TNFRSF1B: variants seen among roughly 807,000 people sequenced by gnomAD.
TNFRSF1B encodes the protein tumor necrosis factor receptor superfamily member 1B.
Under a neutral mutation model 44.6 loss-of-function variants are expected in TNFRSF1B, and 19 were observed. That is an observed-to-expected ratio of 0.43 (90% CI 0.30 to 0.62). The LOEUF is 0.62. Among genes scored for constraint, TNFRSF1B ranks in the 20% least tolerant of loss-of-function variants. The pLI, the probability that TNFRSF1B is intolerant of heterozygous loss-of-function variation, is 0.16. For missense variants in TNFRSF1B, 541 were observed against 619.9 expected, an observed-to-expected ratio of 0.87 and a Z score of 1.35; for synonymous variants, 252 against 261.1, an observed-to-expected ratio of 0.97 and a Z score of 0.34.
chr1:12,200,657 T>C (rs771968151), intron 8 of TNFRSF1B, among the ~76,000 whole-genome samples: 4 of 152,142 alleles, frequency 2.6e-5, no homozygotes, highest in Non-Finnish European at 1.5e-5. Context: ...AGTTTCACTC[T>C]TGTTGCCCAG....
At chr1:12,206,359 C>CA (rs35664314) in intron 9 of TNFRSF1B, among the ~76,000 whole-genome samples, 3,848 of 80,558 alleles carry the variant, frequency 0.048, 81 homozygotes, top group Middle Eastern at 0.12. Context: ...GACCCTGTCT[C>CA]AAAAAAAAAA....
At chr1:12,206,522 G>C (rs1639506119) in intron 9 of TNFRSF1B, among the ~76,000 whole-genome samples, 1 of 152,170 alleles carries the variant, frequency 6.6e-6, no homozygotes, top group South Asian at 2.1e-4. Flanking sequence ...GGGCTGGGTA[G>C]GTAGTGATGC....
At position 12,171,414 on chromosome 1, in the gene TNFRSF1B, C is replaced by T. The variant is rs771095653; in HGVS notation, c.78+4245C>T. ...TGCTTTCCCCATCACCTCCAATACT[C>T]CTCCTGCTGACGTCTCTTGGTCTCC... is the stretch of plus-strand genomic sequence containing the variant. On this transcript the variant is annotated intron_variant, in intron 1 of 9. Coordinates refer to ENST00000376259, the MANE Select transcript of TNFRSF1B (RefSeq NM_001066.3). The surrounding 1 kb of genome is among the most constrained non-coding windows in gnomAD (Gnocchi z 4.5). 5.3e-5 allele frequency among the ~76,000 whole-genome samples: 8 copies of T among 152,206 alleles called. No homozygotes were observed. Among genetic ancestry groups the T allele is most frequent in the South Asian group, 2.1e-4 (1 of 4,822 alleles).
rs866391216 is a variant in TNFRSF1B, at chr1:12,183,691, T to G, written c.79-5105T>G. Among the ~76,000 whole-genome samples, 573 of 128,770 alleles carry G rather than the reference T, an allele frequency of 4.4e-3. 10 individuals carry two copies. The highest frequency in any genetic ancestry group is 0.015 in the African/African-American group (540 of 36,568). 84.5% of individuals were successfully genotyped at this position (128,770 alleles called of 152,430 possible). On this transcript the variant is annotated intron_variant, in intron 1 of 9. Coordinates refer to ENST00000376259, the MANE Select transcript of TNFRSF1B (RefSeq NM_001066.3). ...ATCTATCTATCTATCTATCTATCTA[T>G]CTATCTATCTATCTATCTATTCTAT...
At chr1:12,183,708 C>CT (rs962368395) in intron 1 of TNFRSF1B, among the ~76,000 whole-genome samples, 3 of 115,518 alleles carry the variant, frequency 2.6e-5, no homozygotes, top group Admixed American at 1.7e-4. Flanking sequence ...ATCTATCTAT[C>CT]TATTCTATCT....
At chr1:12,197,945 G>A (rs1639301557) in intron 8 of TNFRSF1B, among the ~76,000 whole-genome samples, 1 of 152,060 alleles carries the variant, frequency 6.6e-6, no homozygotes, top group African/African-American at 2.4e-5. Flanking sequence ...CTAACACAGT[G>A]AAACCCCATC....
chr1:12,181,204 C>G (rs145558776), intron 1 of TNFRSF1B, among the ~76,000 whole-genome samples: 1 of 152,308 alleles, frequency 6.6e-6, no homozygotes, highest in African/African-American at 2.4e-5. Context: ...CACGGGCCAT[C>G]TAACACCCCA....
chr1:12,188,842 TCAGAGAATACTATGAC>T lies in TNFRSF1B; in HGVS notation c.130_145del (p.Glu44GlnfsTer46). 3 of 1,613,850 alleles carry T rather than the reference TCAGAGAATACTATGAC, an allele frequency of 1.9e-6. No individual in the cohort carries two copies. Among genetic ancestry groups the T allele is most frequent in the Non-Finnish European group, 2.5e-6 (3 of 1,179,882 alleles). On this transcript the variant is annotated frameshift_variant, in exon 2 of 10. Coordinates refer to ENST00000376259, the MANE Select transcript of TNFRSF1B (RefSeq NM_001066.3). LOFTEE classifies it high-confidence loss of function. Reference sequence around the variant, plus strand: ...CCGGAGCCCGGGAGCACATGCCGGCTCAGAGAATACTATGACCAGACAGCTCAGATGTGCTGCAGCA... The same window carrying T: ...CCGGAGCCCGGGAGCACATGCCGGCTCAGACAGCTCAGATGTGCTGCAGCA...
chr1:12,195,972 A>G (rs1399965631), intron 8 of TNFRSF1B, among the ~76,000 whole-genome samples: 1 of 152,196 alleles, frequency 6.6e-6, no homozygotes, highest in African/African-American at 2.4e-5. Flanking sequence ...GTGAGACCCT[A>G]TCCCTAAACA....
In TNFRSF1B at chr1:12,168,598, C is replaced by A. The variant is rs548119898; in HGVS notation, c.78+1429C>A. ...TGGGTGAACTCTGGGGTCATGTGAG[C>A]CCCTGGATGGGAGAGGGGTGTCAGG... On this transcript the variant is annotated intron_variant, in intron 1 of 9. Coordinates refer to ENST00000376259, the MANE Select transcript of TNFRSF1B (RefSeq NM_001066.3). The surrounding 1 kb of genome is among the most constrained non-coding windows in gnomAD (Gnocchi z 4.7). Among the ~76,000 whole-genome samples, 1 of 152,222 alleles carries A rather than the reference C, an allele frequency of 6.6e-6. No homozygotes were observed. Among genetic ancestry groups the A allele is most frequent in the East Asian group, 1.9e-4 (1 of 5,178 alleles).
In TNFRSF1B at chr1:12,199,355, T is replaced by C. The variant is rs1639339223; in HGVS notation, c.901-2612T>C. Among the ~76,000 whole-genome samples the C allele has an allele frequency of 6.6e-6, 1 of 152,162 alleles. No individual in the cohort carries two copies. The highest frequency in any genetic ancestry group is 2.4e-5 in the African/African-American group (1 of 41,436). On this transcript the variant is annotated intron_variant, in intron 8 of 9. Coordinates refer to ENST00000376259, the MANE Select transcript of TNFRSF1B (RefSeq NM_001066.3). The surrounding 1 kb of genome is among the most constrained non-coding windows in gnomAD (Gnocchi z 4.0). The stretch of plus-strand genomic sequence containing the variant: ...GCATGAACTTGCAATGCCCTCCATC[T>C]CTCCAAAACTGGGGGACCCAGCCCA...
intron 8 of TNFRSF1B, among the ~76,000 whole-genome samples, chr1:12,200,979 G>A (rs143711039): frequency 2.1e-4 from 32 of 152,180 alleles, no homozygotes; most frequent in African/African-American, 7.5e-4. Flanking sequence ...CCAGTGGGGT[G>A]TGGTGGTGCA....
chr1:12,190,376 T>C (rs930711883), intron 2 of TNFRSF1B, among the ~76,000 whole-genome samples: 69 of 149,792 alleles, frequency 4.6e-4, no homozygotes, highest in Admixed American at 4.5e-3. Flanking sequence ...GGAGAATTGC[T>C]TGAGCCTGAG....
intron 1 of TNFRSF1B, among the ~76,000 whole-genome samples, chr1:12,175,196 C>T (rs879615606): frequency 2.6e-5 from 4 of 152,276 alleles, no homozygotes; most frequent in Middle Eastern, 3.4e-3. Context: ...TGGGAGTGGG[C>T]GGGGCCTGGG....
chr1:12,197,027 A>G (rs561046234), intron 8 of TNFRSF1B, among the ~76,000 whole-genome samples: 1 of 148,768 alleles, frequency 6.7e-6, no homozygotes, highest in Non-Finnish European at 1.5e-5. Context: ...GGCTCACTGC[A>G]GCCTCCGCCT....
Position 12,167,124 on chromosome 1 carries a change from C to T in TNFRSF1B, c.33C>T (p.Ala11=). The T allele has an allele frequency of 2.2e-6, 3 of 1,354,862 alleles. No homozygotes were observed. The highest frequency in any genetic ancestry group is 3.1e-5 in the Admixed American group (1 of 32,668). 83.9% of individuals were successfully genotyped at this position (1,354,862 alleles called of 1,614,324 possible). The part of the protein sequence containing the change: MAPVAVWAAL[A]VGLELWAAAH... ...CCGTCGCCGTCTGGGCCGCGCTGGC[C>T]GTCGGACTGGAGCTCTGGGCTGCGG... Residue 11 remains alanine (A), a synonymous_variant, in exon 1 of 10, where the codon GCC becomes GCT. Coordinates refer to ENST00000376259, the MANE Select transcript of TNFRSF1B (RefSeq NM_001066.3).
chr1:12,184,111 A>G (rs17885609), intron 1 of TNFRSF1B, among the ~76,000 whole-genome samples: 2,459 of 152,196 alleles, frequency 0.016, 55 homozygotes, highest in African/African-American at 0.046. Context: ...AGCCTCCCCA[A>G]TCCAAGGCAC....
In TNFRSF1B at chr1:12,202,179, G is replaced by C; in HGVS notation, c.1105+8G>C. ...CCAGCACCGGGAGCTCAGGTAAGAGGTGGGAGCACACCTGGCTTCTTCCCA... is the reference window on the plus strand; with the variant it reads ...CCAGCACCGGGAGCTCAGGTAAGAGCTGGGAGCACACCTGGCTTCTTCCCA... On this transcript the variant is annotated splice_region_variant and intron_variant, in intron 9 of 9. Transcript: ENST00000376259. 6.5e-7 allele frequency: 1 copy of C among 1,542,600 alleles called. No individual in the cohort carries two copies. The highest frequency in any genetic ancestry group is 8.7e-7 in the Non-Finnish European group (1 of 1,147,094).
rs985128185 is a variant in TNFRSF1B at position 12,177,138 on chromosome 1, G to T, written c.78+9969G>T. Among the ~76,000 whole-genome samples the T allele has an allele frequency of 1.3e-5, 2 of 152,120 alleles. No individual in the cohort carries two copies. Among genetic ancestry groups the T allele is most frequent in the Non-Finnish European group, 1.5e-5 (1 of 68,000 alleles). ...CCACCTCAGCCTCCCAAGTAGCTGG[G>T]ACTACAGGCGTGCCCCACCACGCCT... On this transcript the variant is annotated intron_variant, in intron 1 of 9. Transcript: ENST00000376259. This position sits in a 1 kb window ranked among gnomAD's most constrained non-coding sequence, Gnocchi z 4.3.
Sources: allele counts gnomAD v4.1 joint callset (sites outside exome capture counted in the v4.1 genomes callset), GRCh38; gene constraint gnomAD v4.1.1; non-coding constraint Gnocchi (gnomAD v3.1); transcripts MANE v1.5; gene names NCBI Gene and HGNC (gene_info 2026-07-23, HGNC 2026-07-21).